Variants in KLHL18 observed in about 807,000 individuals in gnomAD.
The protein encoded by KLHL18 is kelch-like protein 18.
KLHL18 carries 38 observed loss-of-function variants against 58.5 expected under a neutral mutation model. That is an observed-to-expected ratio of 0.65 (90% CI 0.50 to 0.85). The LOEUF (loss-of-function observed/expected upper bound fraction) is 0.85, where lower values mean the gene tolerates loss of function less well. KLHL18 is among the 40% of genes least tolerant of loss of function. KLHL18 has a pLI of 0.00. For missense variants in KLHL18, 624 were observed against 778.4 expected (o/e 0.80, Z 2.36); for synonymous variants, 303 against 301.9 (o/e 1.00, Z -0.04).
chr3:47,317,365 C>T (rs564807115), intron 1 of KLHL18, among the ~76,000 whole-genome samples: 53 of 152,278 alleles, frequency 3.5e-4, no homozygotes, highest in Admixed American at 7.2e-4. Flanking sequence ...CCACCCGCCT[C>T]AGGCTCCCAA....
rs373471831 is a variant in KLHL18 at position 47,336,774 on chromosome 3, G to C, written c.1121+17G>C. ...CAAGAGAAGGTATTCTGGAAGCCAC[G>C]TGCAGCCCGAACATACACACTGAGC... On this transcript the variant is annotated intron_variant, in intron 7 of 9. Transcript: ENST00000232766. 1.3e-4 allele frequency: 207 copies of C among 1,598,280 alleles called. No homozygotes were observed. The highest frequency in any genetic ancestry group is 1.6e-4 in the Non-Finnish European group (181 of 1,165,762).
In KLHL18 at chr3:47,344,810, A is replaced by G. The variant is rs1298270241; in HGVS notation, c.*869A>G. On this transcript the variant is annotated 3_prime_UTR_variant, in exon 10 of 10. Coordinates refer to ENST00000232766, the MANE Select transcript of KLHL18 (RefSeq NM_025010.5). ...GGATCCCAGGGTCCTGAGGCCTCGC[A>G]TTGAGCTGGGGGTTCCCTCTGAGCC... 6.6e-6 allele frequency: 1 copy of G among 152,634 alleles called. No homozygotes were observed. Among genetic ancestry groups the G allele is most frequent in the Non-Finnish European group, 1.5e-5 (1 of 68,064 alleles). The allele number at this position is 152,634 out of a possible 1,614,324, so 9.5% of individuals were successfully genotyped here.
intron 3 of KLHL18, among the ~76,000 whole-genome samples, chr3:47,324,280 T>TTTTCTTTTTCTTTC (rs1703656504): frequency 6.9e-6 from 1 of 145,280 alleles, no homozygotes; most frequent in Non-Finnish European, 1.5e-5. Context: ...TGACTTCCTT[T>TTTTCTTTTTCTTTC]TTTCTTTTTC....
intron 3 of KLHL18, among the ~76,000 whole-genome samples, chr3:47,329,585 T>C (rs528351755): frequency 8.5e-4 from 130 of 152,264 alleles, no homozygotes; most frequent in African/African-American, 2.8e-3. Context: ...GTGACCAAAG[T>C]TGAGATAATG....
At chr3:47,308,807 G>A (rs1197965555) in intron 1 of KLHL18, among the ~76,000 whole-genome samples, 2 of 150,066 alleles carry the variant, frequency 1.3e-5, no homozygotes, top group African/African-American at 2.5e-5. Context: ...ATTCTTGGGT[G>A]TTTCTCGCAG....
rs541271182 is a variant in KLHL18, at chr3:47,303,855, T to A, written c.130-15798T>A. On this transcript the variant is annotated intron_variant, in intron 1 of 9. Coordinates refer to ENST00000232766, the MANE Select transcript of KLHL18 (RefSeq NM_025010.5). ...CTGCAACCTCAAACTCCCAAGTAGC[T>A]GGGACTACAGGCACATGCCACTATG... Among the ~76,000 whole-genome samples, 21 of 152,246 alleles carry A rather than the reference T, an allele frequency of 1.4e-4. No individual in the cohort carries two copies. The East Asian group carries it at 3.9e-3, about 28-fold the overall frequency.
At chr3:47,310,066 G>T (rs1703262575) in intron 1 of KLHL18, among the ~76,000 whole-genome samples, 1 of 152,214 alleles carries the variant, frequency 6.6e-6, no homozygotes, top group Admixed American at 6.5e-5. Context: ...GGTAGGAACA[G>T]TAGTATCAAA....
At chr3:47,320,846 A>C (rs1452922196) in intron 2 of KLHL18, among the ~76,000 whole-genome samples, 1 of 152,144 alleles carries the variant, frequency 6.6e-6, no homozygotes, top group Non-Finnish European at 1.5e-5. Flanking sequence ...CGAGGAAGTC[A>C]AGGCTGCCGC....
Position 47,316,726 on chromosome 3 carries a change from T to TATATACACATATATAC in KLHL18, c.130-2927_130-2926insATATACACATATATAC, listed in dbSNP as rs1559495888. 2.3e-5 allele frequency among the ~76,000 whole-genome samples: 3 copies of TATATACACATATATAC among 131,084 alleles called. No homozygotes were observed. The East Asian group carries it at 6.5e-4, about 28-fold the overall frequency. 86.0% of individuals were successfully genotyped at this position (131,084 alleles called of 152,430 possible). Reference sequence around the variant, plus strand: ...ATATACGTATATATGTATATGTGTGTGTATATATACATATATACGTATATA... The same window carrying TATATACACATATATAC: ...ATATACGTATATATGTATATGTGTGTATATACACATATATACGTATATATACATATATACGTATATA... On this transcript the variant is annotated intron_variant, in intron 1 of 9. Transcript: ENST00000232766.
intron 4 of KLHL18, 108 bp from the exon 5 acceptor site, chr3:47,333,042 TTGATGGG>T (rs2107651860): frequency 1.9e-6 from 2 of 1,037,074 alleles, no homozygotes; most frequent in Non-Finnish European, 2.8e-6. Flanking sequence ...GGAGAAAAGA[TTGATGGG>T]CCCAAGGGAC....
chr3:47,314,199 G>A (rs1359775720), intron 1 of KLHL18, among the ~76,000 whole-genome samples: 3 of 151,876 alleles, frequency 2.0e-5, no homozygotes. Flanking sequence ...AGGTCTTGCT[G>A]TGTTGCCCAG....
intron 4 of KLHL18, among the ~76,000 whole-genome samples, chr3:47,330,940 G>A (rs954273719): frequency 1.3e-5 from 2 of 151,198 alleles, no homozygotes; most frequent in Admixed American, 1.3e-4. Flanking sequence ...CCATGTTGGC[G>A]AGGCTGGTCT....
At chr3:47,336,300 T>G (rs1576183542) in intron 6 of KLHL18, among the ~76,000 whole-genome samples, 1 of 152,206 alleles carries the variant, frequency 6.6e-6, no homozygotes, top group South Asian at 2.1e-4. Flanking sequence ...TGATTGTAAC[T>G]GAAAACTACC....
At chr3:47,314,851 G>C (rs1052086795) in intron 1 of KLHL18, among the ~76,000 whole-genome samples, 5 of 152,050 alleles carry the variant, frequency 3.3e-5, no homozygotes, top group Non-Finnish European at 5.9e-5. Context: ...CCAATTTGTT[G>C]TTCCCCTTAG....
Position 47,340,682 on chromosome 3 carries a change from G to A in KLHL18, c.1226+6G>A. 1 of 1,613,922 alleles carries A rather than the reference G, an allele frequency of 6.2e-7. No homozygotes were observed. Among genetic ancestry groups the A allele is most frequent in the Non-Finnish European group, 8.5e-7 (1 of 1,179,922 alleles). On this transcript the variant is annotated splice_donor_region_variant and intron_variant, in intron 8 of 9. Coordinates refer to ENST00000232766, the MANE Select transcript of KLHL18 (RefSeq NM_025010.5). ...TACTCACCTGAGACGGACAAGTAAG[G>A]ACTCCAGCTCCCTTGGGGCAACTGG...
chr3:47,296,076 G>A (rs1702890641), intron 1 of KLHL18, among the ~76,000 whole-genome samples: 2 of 152,158 alleles, frequency 1.3e-5, no homozygotes, highest in Admixed American at 6.6e-5. Context: ...CATCACCTGG[G>A]TGGGGGCCTG....
intron 1 of KLHL18, among the ~76,000 whole-genome samples, chr3:47,316,984 A>C (rs1028484838): frequency 5.3e-5 from 8 of 151,922 alleles, no homozygotes; most frequent in African/African-American, 1.7e-4. Flanking sequence ...AATACTTTCA[A>C]AATTTTGACA....
chr3:47,343,584 C>T lies in KLHL18; in HGVS notation c.1368C>T (p.Thr456=), dbSNP rs1227527154. ...AACACTACAACCACCACACAGCCAC[C>T]TGGCACCCTGCAGCTGGCATGCTCA... ...SVEHYNHHTA[T]WHPAAGMLNK... The change falls in exon 10 of 10, where the codon ACC becomes ACT. Residue 456 remains threonine, a synonymous_variant. Coordinates refer to ENST00000232766, the MANE Select transcript of KLHL18 (RefSeq NM_025010.5). The T allele has an allele frequency of 1.5e-5, 24 of 1,613,790 alleles. No homozygotes were observed. Among genetic ancestry groups the T allele is most frequent in the Non-Finnish European group, 1.9e-5 (23 of 1,180,050 alleles).
In KLHL18 at chr3:47,283,065, C is replaced by T. The variant is rs1164899451; in HGVS notation, c.100C>T (p.Gln34Ter). 3 of 1,591,962 alleles carry T rather than the reference C, an allele frequency of 1.9e-6. No homozygotes were observed. Among genetic ancestry groups the T allele is most frequent in the Non-Finnish European group, 2.6e-6 (3 of 1,169,762 alleles). ...GYGVMEEIRR[Q>*]GKLCDVTLKI... Reference sequence around the variant, plus strand: ...CGGCGTCATGGAGGAGATCCGGCGGCAGGGCAAGCTGTGCGACGTGACCCT... The same window carrying T: ...CGGCGTCATGGAGGAGATCCGGCGGTAGGGCAAGCTGTGCGACGTGACCCT... Residue 34 changes from glutamine to a stop codon, truncating the protein, a stop_gained, in exon 1 of 10, where the codon CAG becomes TAG. Coordinates refer to ENST00000232766, the MANE Select transcript of KLHL18 (RefSeq NM_025010.5). LOFTEE classifies it high-confidence loss of function.
Sources: gnomAD v4.1 joint callset for allele counts (sites outside exome capture counted in the v4.1 genomes callset) on GRCh38, gnomAD v4.1.1 for gene constraint, MANE v1.5 for transcripts, NCBI Gene and HGNC (gene_info 2026-07-23, HGNC 2026-07-21) for gene names.